The following SHANK2 variants were observed in gnomAD, a reference collection of about 807,000 sequenced individuals.
SHANK2 encodes the protein SH3 and multiple ankyrin repeat domains protein 2.
A neutral mutation model predicts 133.7 loss-of-function variants in SHANK2; 43 were observed. The ratio of observed to expected loss-of-function variants is 0.32; its 90% CI spans 0.25 to 0.41. SHANK2 has a LOEUF of 0.41. SHANK2 is among the 10% of genes least tolerant of loss of function. The pLI, the probability that SHANK2 is intolerant of heterozygous loss-of-function variation, is 1.00. For synonymous variants in SHANK2, 1,017 were observed against 952.8 expected (o/e 1.07, Z -1.24); for missense variants, 1,994 against 2,235.8 (o/e 0.89, Z 2.18).
rs57815500 is a variant in SHANK2, at chr11:70,723,299, G to GTCTCTCTCTCTCTCTCTCTC, written c.1778-24556_1778-24537dup. ...TAGCAATTTTCTTGCTGGAGGGTCT[G>GTCTCTCTCTCTCTCTCTCTC]TCTCTCTCTCTCTCTCTCTCTCTCT... On this transcript the variant is annotated intron_variant, in intron 14 of 25. Coordinates refer to ENST00000601538, the MANE Select transcript of SHANK2 (RefSeq NM_012309.5). 1.4e-3 allele frequency among the ~76,000 whole-genome samples: 197 copies of GTCTCTCTCTCTCTCTCTCTC among 145,814 alleles called. 2 individuals are homozygous for GTCTCTCTCTCTCTCTCTCTC. The highest frequency in any genetic ancestry group is 3.5e-3 in the African/African-American group (137 of 38,830).
At chr11:70,697,911 C>T (rs1319249798) in intron 15 of SHANK2, among the ~76,000 whole-genome samples, 1 of 152,196 alleles carries the variant, frequency 6.6e-6, no homozygotes, top group African/African-American at 2.4e-5. Context: ...ACCTCACACA[C>T]TGGCCCTTGT....
At chr11:70,539,620 G>A (rs563915680) in intron 17 of SHANK2, among the ~76,000 whole-genome samples, 25 of 152,216 alleles carry the variant, frequency 1.6e-4, no homozygotes, top group Non-Finnish European at 2.6e-4. Flanking sequence ...CGGCAACTCC[G>A]GCGCTCTTAT....
At chr11:70,565,991 C>A (rs1406467821) in intron 17 of SHANK2, among the ~76,000 whole-genome samples, 1 of 152,154 alleles carries the variant, frequency 6.6e-6, no homozygotes, top group African/African-American at 2.4e-5. Flanking sequence ...TTAATGGACT[C>A]ATAGTTCCAC....
At chr11:70,784,694 T>G (rs1279729553) in intron 14 of SHANK2, among the ~76,000 whole-genome samples, 1 of 152,178 alleles carries the variant, frequency 6.6e-6, no homozygotes, top group African/African-American at 2.4e-5. Context: ...TGGCATGGGC[T>G]GAGCTCTGTC....
At chr11:70,733,996 G>T (rs147841836) in intron 14 of SHANK2, among the ~76,000 whole-genome samples, 2 of 152,288 alleles carry the variant, frequency 1.3e-5, no homozygotes, top group East Asian at 1.9e-4. Flanking sequence ...ACTTGCTCGC[G>T]CACTCACACA....
intron 17 of SHANK2, among the ~76,000 whole-genome samples, chr11:70,552,492 G>A (rs1198966373): frequency 1.3e-5 from 2 of 152,198 alleles, no homozygotes; most frequent in African/African-American, 4.8e-5. Context: ...AACAGCAAGC[G>A]ATTAACTCTG....
intron 1 of SHANK2, among the ~76,000 whole-genome samples, chr11:71,225,929 C>T (rs889288633): frequency 1.3e-5 from 2 of 152,134 alleles, no homozygotes; most frequent in South Asian, 2.1e-4. Context: ...TTGAGACCAG[C>T]GTGGCCAACA....
chr11:71,202,472 C>A (rs888962204), intron 2 of SHANK2, among the ~76,000 whole-genome samples: 1 of 152,204 alleles, frequency 6.6e-6, no homozygotes, highest in Non-Finnish European at 1.5e-5. Flanking sequence ...CCCAGCCCCT[C>A]GGCGAGACAA....
intron 2 of SHANK2, among the ~76,000 whole-genome samples, chr11:71,212,869 G>A (rs558587755): frequency 1.3e-5 from 2 of 151,818 alleles, no homozygotes; most frequent in Non-Finnish European, 2.9e-5. Context: ...GGAGGCACAG[G>A]AAGAGGAGCA....
At chr11:70,480,174 A>G (rs2058715486) in intron 25 of SHANK2, among the ~76,000 whole-genome samples, 1 of 152,200 alleles carries the variant, frequency 6.6e-6, no homozygotes, top group South Asian at 2.1e-4. Flanking sequence ...TCATCTGGCC[A>G]TGGTTTCATG....
At position 70,883,742 on chromosome 11, in the gene SHANK2, C is replaced by T. The variant is rs1244771472; in HGVS notation, c.1174+12759G>A. On this transcript the variant is annotated intron_variant, in intron 11 of 25. Coordinates refer to ENST00000601538, the MANE Select transcript of SHANK2 (RefSeq NM_012309.5). ...CACAGAGAAGGGGTGGGCAAGACCA[C>T]GTGGAAACAAGACCCGGCCTCCACC... 2.6e-5 allele frequency among the ~76,000 whole-genome samples: 4 copies of T among 152,262 alleles called. No individual in the cohort carries two copies. In the South Asian group the frequency reaches 6.2e-4, roughly 24 times the overall value.
Position 71,100,866 on chromosome 11 carries a change from CAAA to C in SHANK2, c.593-6181_593-6179del, listed in dbSNP as rs781807117. 1.8e-3 allele frequency among the ~76,000 whole-genome samples: 183 copies of C among 99,878 alleles called. 3 individuals carry two copies. The highest frequency in any genetic ancestry group is 6.3e-3 in the African/African-American group (169 of 26,992). The allele number at this position is 99,878 out of a possible 152,430, so 65.5% of individuals were successfully genotyped here. ...TGGGTGACACAGCAAGACTCCGTCT[CAAA>C]AAAAAAAAAAAAAAATCAGTGGTTA... On this transcript the variant is annotated intron_variant, in intron 6 of 25. Transcript: ENST00000601538.
At chr11:70,763,044 C>T (rs1364668195) in intron 14 of SHANK2, among the ~76,000 whole-genome samples, 4 of 152,204 alleles carry the variant, frequency 2.6e-5, no homozygotes, top group Non-Finnish European at 5.9e-5. Context: ...CCTAACCACC[C>T]CCTTTCCCTG....
At chr11:70,906,834 C>T (rs1590818951) in intron 10 of SHANK2, among the ~76,000 whole-genome samples, 2 of 152,182 alleles carry the variant, frequency 1.3e-5, no homozygotes, top group Non-Finnish European at 2.9e-5. Context: ...CCGAGTTCCC[C>T]TGCAAACTTC....
intron 9 of SHANK2, among the ~76,000 whole-genome samples, chr11:71,067,852 G>A (rs1340013047): frequency 2.7e-5 from 4 of 147,142 alleles, no homozygotes; most frequent in African/African-American, 1.0e-4. Flanking sequence ...CCAACAATAT[G>A]ACCACTGTCA....
At chr11:71,230,205 A>T (rs1555122784) in intron 1 of SHANK2, among the ~76,000 whole-genome samples, 1 of 151,748 alleles carries the variant, frequency 6.6e-6, no homozygotes, top group Admixed American at 6.6e-5. Flanking sequence ...CAGGAGAATC[A>T]CTTGAACCTG....
chr11:70,771,332 C>T (rs1266747049), intron 14 of SHANK2, among the ~76,000 whole-genome samples: 1 of 152,192 alleles, frequency 6.6e-6, no homozygotes, highest in Non-Finnish European at 1.5e-5. Context: ...CTTGTGACCA[C>T]ATGCACAAGT....
intron 14 of SHANK2, among the ~76,000 whole-genome samples, chr11:70,795,646 T>A (rs1407170644): frequency 6.6e-6 from 1 of 152,088 alleles, no homozygotes; most frequent in Non-Finnish European, 1.5e-5. Flanking sequence ...ACTCAAGAGA[T>A]CTGCCCACCT....
chr11:70,781,161 G>T (rs1318595954), intron 14 of SHANK2, among the ~76,000 whole-genome samples: 1 of 150,656 alleles, frequency 6.6e-6, no homozygotes, highest in Non-Finnish European at 1.5e-5. Context: ...CGGACCGGTT[G>T]CCGTGAGACC....
Sources: allele counts gnomAD v4.1 joint callset (sites outside exome capture counted in the v4.1 genomes callset), GRCh38; gene constraint gnomAD v4.1.1; transcripts MANE v1.5; gene names NCBI Gene and HGNC (gene_info 2026-07-23, HGNC 2026-07-21).